EDIL3: variants seen among roughly 807,000 people sequenced by gnomAD.
The protein encoded by EDIL3 is EGF-like repeat and discoidin I-like domain-containing protein 3.
In EDIL3, 37 loss-of-function variants were observed where a neutral mutation model predicts 67.4. The ratio of observed to expected loss-of-function variants is 0.55; its 90% CI spans 0.42 to 0.72. The LOEUF is 0.72. Ranked by LOEUF, EDIL3 falls within the 30% of genes least tolerant of loss-of-function variation. The probability of loss-of-function intolerance (pLI) is 0.00; values close to 1 mark genes in which losing one functional copy is unlikely to be tolerated. For missense variants in EDIL3, 527 were observed against 586.3 expected, an observed-to-expected ratio of 0.90 and a Z score of 1.04; for synonymous variants, 195 against 196.3, an observed-to-expected ratio of 0.99 and a Z score of 0.05.
chr5:84,236,456 C>G, intron 2 of EDIL3, among the ~76,000 whole-genome samples: 1 of 152,114 alleles, frequency 6.6e-6, no homozygotes, highest in East Asian at 1.9e-4. Flanking sequence ...ATTAAATGTG[C>G]CCTTCCTCCC....
intron 3 of EDIL3, among the ~76,000 whole-genome samples, chr5:84,188,622 C>A (rs534028703): frequency 6.7e-6 from 1 of 150,080 alleles, no homozygotes; most frequent in Admixed American, 6.7e-5. Flanking sequence ...TGACTATATT[C>A]GGAGATAGGA....
At chr5:84,253,482 T>C (rs994067687) in intron 2 of EDIL3, among the ~76,000 whole-genome samples, 1 of 152,210 alleles carries the variant, frequency 6.6e-6, no homozygotes, top group African/African-American at 2.4e-5. Flanking sequence ...TTACAGAAGT[T>C]ACTCTAAATC....
chr5:84,312,211 G>T (rs980414001), intron 1 of EDIL3, among the ~76,000 whole-genome samples: 1 of 146,060 alleles, frequency 6.8e-6, no homozygotes, highest in Non-Finnish European at 1.5e-5. Flanking sequence ...CTCCCTCCCC[G>T]ACGGGGCGGC....
chr5:84,337,989 A>G (rs1747024028), intron 1 of EDIL3, among the ~76,000 whole-genome samples: 1 of 152,180 alleles, frequency 6.6e-6, no homozygotes, highest in Admixed American at 6.6e-5. Context: ...TTTCATGACT[A>G]TTATTAAATA....
At chr5:84,057,412 T>C (rs997223991) in intron 9 of EDIL3, among the ~76,000 whole-genome samples, 2 of 144,378 alleles carry the variant, frequency 1.4e-5, no homozygotes, top group East Asian at 2.0e-4. Flanking sequence ...TAAAATAGTT[T>C]GCCTTATTCC....
intron 8 of EDIL3, among the ~76,000 whole-genome samples, chr5:84,061,224 T>C (rs1469510035): frequency 1.3e-5 from 2 of 152,090 alleles, no homozygotes; most frequent in South Asian, 4.1e-4. Context: ...ACCTATAAAG[T>C]TTAGATATTT....
intron 1 of EDIL3, among the ~76,000 whole-genome samples, chr5:84,338,099 T>A (rs1580086753): frequency 6.6e-6 from 1 of 152,160 alleles, no homozygotes; most frequent in Non-Finnish European, 1.5e-5. Context: ...TTTAAATTTT[T>A]CATATTCTCT....
intron 5 of EDIL3, among the ~76,000 whole-genome samples, chr5:84,117,027 T>TTTTTA (rs1321486144): frequency 7.9e-6 from 1 of 126,130 alleles, no homozygotes; most frequent in East Asian, 2.2e-4. Flanking sequence ...CTTATTTTTT[T>TTTTTA]TTTTTTTTTT....
At position 84,284,827 on chromosome 5, in the gene EDIL3, A is replaced by C. The variant is rs556944536; in HGVS notation, c.68-30615T>G. The stretch of plus-strand genomic sequence containing the variant: ...AAAGCTATCTTTGTTTTCAGTATAA[A>C]AAAGAAAATTCTATCCCATTACTTC... On this transcript the variant is annotated intron_variant, in intron 1 of 10. Transcript: ENST00000296591. 2.6e-5 allele frequency among the ~76,000 whole-genome samples: 4 copies of C among 152,142 alleles called. No homozygotes were observed. In the East Asian group the frequency reaches 7.7e-4, roughly 29 times the overall value.
At chr5:84,257,368 C>G (rs1430551146) in intron 1 of EDIL3, among the ~76,000 whole-genome samples, 3 of 152,154 alleles carry the variant, frequency 2.0e-5, no homozygotes, top group African/African-American at 7.2e-5. Flanking sequence ...ACATGTTTTT[C>G]TCTCTTCTCC....
At chr5:84,177,646 A>T (rs1748944479) in intron 4 of EDIL3, among the ~76,000 whole-genome samples, 1 of 152,132 alleles carries the variant, frequency 6.6e-6, no homozygotes, top group Admixed American at 6.6e-5. Flanking sequence ...GAGATATGTT[A>T]ATAAGAGAAA....
chr5:84,030,928 A>ATT (rs35162260), intron 9 of EDIL3, among the ~76,000 whole-genome samples: 4 of 151,222 alleles, frequency 2.6e-5, no homozygotes, highest in South Asian at 2.1e-4. Context: ...AAAAAACAAC[A>ATT]TTTTTTTTTC....
At chr5:84,048,402 C>G in intron 9 of EDIL3, 2 of 230,018 alleles carry the variant, frequency 8.7e-6, no homozygotes, top group Non-Finnish European at 1.8e-5. Flanking sequence ...AATTTGAAAG[C>G]TTAAATTCAA....
chr5:84,240,222 AT>A (rs1744768424), intron 2 of EDIL3, among the ~76,000 whole-genome samples: 1 of 152,220 alleles, frequency 6.6e-6, no homozygotes, highest in Non-Finnish European at 1.5e-5. Flanking sequence ...AAAATGTACA[AT>A]TTAAACAATG....
At chr5:84,055,443 C>A (rs1413652374) in intron 9 of EDIL3, among the ~76,000 whole-genome samples, 5 of 146,248 alleles carry the variant, frequency 3.4e-5, no homozygotes, top group Non-Finnish European at 7.4e-5. Context: ...GCAATAAAAG[C>A]CAAAATTGAC....
chr5:84,225,663 A>C lies in EDIL3; in HGVS notation c.226+4192T>G, dbSNP rs141855943. 6.6e-3 allele frequency among the ~76,000 whole-genome samples: 997 copies of C among 151,690 alleles called. 16 individuals are homozygous for C. Among genetic ancestry groups the C allele is most frequent in the African/African-American group, 0.023 (956 of 41,516 alleles). The stretch of plus-strand genomic sequence containing the variant: ...ATTTTTTTCATTCTATATGTTATTG[A>C]AGATAAACATCTATTATTTACTTTA... On this transcript the variant is annotated intron_variant, in intron 3 of 10. Transcript: ENST00000296591.
chr5:84,110,745 G>T (rs531117437), intron 5 of EDIL3, among the ~76,000 whole-genome samples: 1 of 152,188 alleles, frequency 6.6e-6, no homozygotes, highest in Non-Finnish European at 1.5e-5. Context: ...AATTTGACTC[G>T]GATCTTTTCC....
At chr5:83,943,989 G>C (rs532685451) in intron 10 of EDIL3, among the ~76,000 whole-genome samples, 1 of 152,120 alleles carries the variant, frequency 6.6e-6, no homozygotes, top group Non-Finnish European at 1.5e-5. Context: ...ATTCACAAGG[G>C]GCAAGGGGAG....
chr5:84,339,242 A>G (rs754943256), intron 1 of EDIL3, among the ~76,000 whole-genome samples: 5 of 152,202 alleles, frequency 3.3e-5, no homozygotes, highest in Non-Finnish European at 5.9e-5. Flanking sequence ...TTAATATAAC[A>G]GGGATAATGT....
Sources: gnomAD v4.1 joint callset for allele counts (sites outside exome capture counted in the v4.1 genomes callset) on GRCh38, gnomAD v4.1.1 for gene constraint, MANE v1.5 for transcripts, NCBI Gene and HGNC (gene_info 2026-07-23, HGNC 2026-07-21) for gene names.